The following TARBP1 variants were observed in gnomAD, a reference collection of about 807,000 sequenced individuals.
TARBP1 encodes the protein tRNA (guanosine(18)-2'-O)-methyltransferase TARBP1.
Under a neutral mutation model 178.6 loss-of-function variants are expected in TARBP1, and 144 were observed. The ratio of observed to expected loss-of-function variants is 0.81; its 90% CI spans 0.70 to 0.93. The LOEUF (loss-of-function observed/expected upper bound fraction) is 0.93. Ranked by LOEUF, TARBP1 falls within the 40% of genes least tolerant of loss-of-function variation. TARBP1 has a pLI of 0.00. For missense variants in TARBP1, 2,067 were observed against 2,011.7 expected (o/e 1.03, Z -0.53); for synonymous variants, 787 against 781.0 (o/e 1.01, Z -0.13).
At chr1:234,457,396 T>C (rs188381317) in intron 9 of TARBP1, among the ~76,000 whole-genome samples, 9 of 152,196 alleles carry the variant, frequency 5.9e-5, no homozygotes, top group African/African-American at 1.9e-4. Context: ...CTAATGCATC[T>C]CATCCAGAGT....
intron 22 of TARBP1, among the ~76,000 whole-genome samples, chr1:234,415,809 G>C (rs551591686): frequency 2.0e-4 from 30 of 152,274 alleles, no homozygotes; most frequent in African/African-American, 7.0e-4. Flanking sequence ...GCCTGTGGTT[G>C]CATTTCTGGA....
chr1:234,399,459 A>G (rs892551979), intron 25 of TARBP1, among the ~76,000 whole-genome samples: 4 of 152,210 alleles, frequency 2.6e-5, no homozygotes, highest in African/African-American at 9.7e-5. Context: ...TAGTTCAACC[A>G]TTGTGGAAGT....
rs79468672 is a variant in TARBP1, at chr1:234,467,274, C to G, written c.1248+228G>C. Among the ~76,000 whole-genome samples the G allele has an allele frequency of 3.4e-4, 52 of 152,212 alleles. No homozygotes were observed. The East Asian group carries it at 8.7e-3, about 25-fold the overall frequency. On this transcript the variant is annotated intron_variant, in intron 4 of 29. Coordinates refer to ENST00000040877, the MANE Select transcript of TARBP1 (RefSeq NM_005646.4). ...CTTGACTTAACGCTGTTCTGAATAT[C>G]GATAATATACAACTACTTTTTCACA...
intron 24 of TARBP1, among the ~76,000 whole-genome samples, chr1:234,401,843 T>C (rs372469426): frequency 1.4e-4 from 21 of 152,120 alleles, no homozygotes; most frequent in African/African-American, 4.6e-4. Flanking sequence ...ACCCTCTCAC[T>C]ATCAGCAGAC....
rs1240253384 is a variant in TARBP1, at chr1:234,429,643, C to T, written c.2644G>A (p.Gly882Arg). ...LEESSSSQGW[G>R]KIVAQYIHDQ... Reference sequence around the variant, plus strand: ...TGAATATATTGTGCAACTATTTTTCCCCATCCTTGGGAAGATGACGATTCT... The same window carrying T: ...TGAATATATTGTGCAACTATTTTTCTCCATCCTTGGGAAGATGACGATTCT... Residue 882 changes from glycine (G) to arginine (R), a missense_variant, in exon 16 of 30, where the codon GGA becomes AGA. Transcript: ENST00000040877. 3.1e-6 allele frequency: 5 copies of T among 1,609,464 alleles called. No homozygotes were observed. Among genetic ancestry groups the T allele is most frequent in the Admixed American group, 1.7e-5 (1 of 58,956 alleles).
chr1:234,397,887 T>G, intron 26 of TARBP1, among the ~76,000 whole-genome samples: 2 of 92,940 alleles, frequency 2.2e-5, no homozygotes, highest in African/African-American at 4.1e-5. Context: ...CAGAGGAAGC[T>G]GGTGGAAAGG....
At chr1:234,392,281 A>G in intron 29 of TARBP1, 135 bp downstream of exon 29, 1 of 1,112,098 alleles carries the variant, frequency 9.0e-7, no homozygotes, top group Non-Finnish European at 1.3e-6. Flanking sequence ...GGTTGTAGTG[A>G]GCCGAGATTG....
At chr1:234,431,582 C>T (rs911108651) in intron 14 of TARBP1, among the ~76,000 whole-genome samples, 1 of 152,210 alleles carries the variant, frequency 6.6e-6, no homozygotes, top group Admixed American at 6.5e-5. Flanking sequence ...TTATTAAACA[C>T]TTACCACATG....
rs373142046 is a variant in TARBP1, at chr1:234,459,254, T to C, written c.1608A>G (p.Gln536=). The part of the protein sequence containing the change: ...LRGAAQCYLL[Q]TAMNLLDVEK... ...CCACATCTAGCAAATTCATAGCTGTTTGAAGAAGGTAGCATTGGGCTGCCC... is the reference window on the plus strand; with the variant it reads ...CCACATCTAGCAAATTCATAGCTGTCTGAAGAAGGTAGCATTGGGCTGCCC... Residue 536 remains glutamine (Q), a synonymous_variant, in exon 8 of 30, where the codon CAA becomes CAG. Coordinates refer to ENST00000040877, the MANE Select transcript of TARBP1 (RefSeq NM_005646.4). 1.6e-5 allele frequency: 26 copies of C among 1,612,302 alleles called. No individual in the cohort carries two copies. The highest frequency in any genetic ancestry group is 8.0e-5 in the African/African-American group (6 of 74,844).
In TARBP1 at chr1:234,425,427, C is replaced by T. The variant is rs561893728; in HGVS notation, c.3444+246G>A. Among the ~76,000 whole-genome samples the T allele has an allele frequency of 1.4e-4, 22 of 151,890 alleles. 1 individual carries two copies. The South Asian group carries it at 4.4e-3, about 30-fold the overall frequency. On this transcript the variant is annotated intron_variant, in intron 20 of 29. Coordinates refer to ENST00000040877, the MANE Select transcript of TARBP1 (RefSeq NM_005646.4). ...TAGAGACAAGGTCTCACTATGTTGC[C>T]CCAGCTGGTCGCAAACTCCTGGCCT...
At chr1:234,427,101 T>C (rs1051477750) in intron 19 of TARBP1, among the ~76,000 whole-genome samples, 12 of 152,184 alleles carry the variant, frequency 7.9e-5, no homozygotes, top group African/African-American at 2.9e-4. Flanking sequence ...CTAAAAACTT[T>C]TAAAATTTTA....
intron 10 of TARBP1, among the ~76,000 whole-genome samples, chr1:234,449,665 T>A (rs2103219295): frequency 6.6e-6 from 1 of 152,312 alleles, no homozygotes; most frequent in South Asian, 2.1e-4. Flanking sequence ...ACTCATGCAT[T>A]TTGGAAGGAT....
Position 234,429,597 on chromosome 1 carries a change from G to A in TARBP1, c.2690C>T (p.Ser897Phe), listed in dbSNP as rs1664182550. ...GGTGTGATATTTTTTCAACAGGAAA[G>A]AGAGGCACACCCATTGATCATGAAT... ...QYIHDQWVCLSFLLKKYHTLI... is the reference protein window; with the variant it reads ...QYIHDQWVCLFFLLKKYHTLI... Residue 897 changes from serine to phenylalanine, a missense_variant, in exon 16 of 30, where the codon TCT (serine) becomes TTT (phenylalanine). Physicochemically the swap from Ser to Phe is radical, Grantham distance 155 (BLOSUM62 -2). Coordinates refer to ENST00000040877, the MANE Select transcript of TARBP1 (RefSeq NM_005646.4). The A allele has an allele frequency of 1.2e-6, 2 of 1,614,132 alleles. No homozygotes were observed. Among genetic ancestry groups the A allele is most frequent in the Non-Finnish European group, 8.5e-7 (1 of 1,180,018 alleles).
chr1:234,393,953 A>G (rs1659666705), intron 26 of TARBP1, 116 bp from the exon 27 acceptor site: 10 of 847,306 alleles, frequency 1.2e-5, no homozygotes, highest in Non-Finnish European at 1.7e-5. Flanking sequence ...GAGATAATTT[A>G]GAATGAGACT....
chr1:234,398,492 T>G lies in TARBP1; in HGVS notation c.4133A>C (p.Asp1378Ala). 1 of 1,610,744 alleles carries G rather than the reference T, an allele frequency of 6.2e-7. No homozygotes were observed. The highest frequency in any genetic ancestry group is 8.5e-7 in the Non-Finnish European group (1 of 1,177,858). ...GLIEDEWITI[D>A]KFTRFTDVPL... ...AACATCAGTGAATCTGGTAAATTTA[T>G]CAATGGTGATCCATTCATCTTCAAT... Residue 1378 changes from aspartate (D) to alanine (A), a missense_variant, in exon 26 of 30, where the codon GAT becomes GCT. Coordinates refer to ENST00000040877, the MANE Select transcript of TARBP1 (RefSeq NM_005646.4).
chr1:234,404,519 T>C (rs1274860925), intron 24 of TARBP1, among the ~76,000 whole-genome samples: 1 of 152,234 alleles, frequency 6.6e-6, no homozygotes, highest in African/African-American at 2.4e-5. Context: ...AAATACACCA[T>C]ACACCAAGGA....
At chr1:234,450,133 A>C (rs1385281991) in intron 10 of TARBP1, among the ~76,000 whole-genome samples, 1 of 151,464 alleles carries the variant, frequency 6.6e-6, no homozygotes, top group African/African-American at 2.4e-5. Context: ...ACAAGGACCC[A>C]GTAATTGCAG....
At chr1:234,425,646 A>G (rs1663659396) in intron 20 of TARBP1, 27 bp downstream of exon 20, 1 of 1,601,450 alleles carries the variant, frequency 6.2e-7, no homozygotes, top group Non-Finnish European at 8.5e-7. Flanking sequence ...TTAAAAACAA[A>G]GATAATTTAA....
At chr1:234,434,207 C>T (rs1451289329) in intron 13 of TARBP1, among the ~76,000 whole-genome samples, 1 of 152,146 alleles carries the variant, frequency 6.6e-6, no homozygotes, top group Non-Finnish European at 1.5e-5. Flanking sequence ...TGAATGCAGT[C>T]ACTGCCTAAC....
Sources: allele counts gnomAD v4.1 joint callset (sites outside exome capture counted in the v4.1 genomes callset), GRCh38; gene constraint gnomAD v4.1.1; transcripts MANE v1.5; gene names NCBI Gene and HGNC (gene_info 2026-07-23, HGNC 2026-07-21).